NCOA6: variants seen among roughly 807,000 people sequenced by gnomAD.
NCOA6 encodes the protein nuclear receptor coactivator 6, also known as NRC RAP250.
A neutral mutation model predicts 171.4 loss-of-function variants in NCOA6; 49 were observed. The ratio of observed to expected loss-of-function variants is 0.29; its 90% CI spans 0.23 to 0.36. The LOEUF (loss-of-function observed/expected upper bound fraction) is 0.36, where lower values mean the gene tolerates loss of function less well. Ranked by LOEUF, NCOA6 falls within the 10% of genes least tolerant of loss-of-function variation. The pLI, the probability that NCOA6 is intolerant of heterozygous loss-of-function variation, is 1.00. For synonymous variants in NCOA6, 910 were observed against 927.5 expected, an observed-to-expected ratio of 0.98 and a Z score of 0.34; for missense variants, 2,248 against 2,554.5, an observed-to-expected ratio of 0.88 and a Z score of 2.59.
chr20:34,744,554 T>C (rs2076247299), intron 10 of NCOA6, among the ~76,000 whole-genome samples: 1 of 152,240 alleles, frequency 6.6e-6, no homozygotes, highest in African/African-American at 2.4e-5. Context: ...AACATTTTCA[T>C]AGAGCAGCTA....
intron 2 of NCOA6, among the ~76,000 whole-genome samples, chr20:34,782,850 A>C (rs957876440): frequency 2.6e-5 from 4 of 152,340 alleles, no homozygotes; most frequent in South Asian, 4.1e-4. Context: ...TACAAAGCAC[A>C]ACCAGACCTG....
rs1338189411 is a variant in NCOA6, at chr20:34,758,119, T to C, written c.644-15A>G. ...ATCCATTGCATCTGTTTAAAGATAG[T>C]CAACAAAGCAATAATTAACCTACTG... On this transcript the variant is annotated splice_polypyrimidine_tract_variant and intron_variant, in intron 6 of 14. Coordinates refer to ENST00000359003, the MANE Select transcript of NCOA6 (RefSeq NM_014071.5). The C allele has an allele frequency of 6.3e-7, 1 of 1,586,806 alleles. No homozygotes were observed. Among genetic ancestry groups the C allele is most frequent in the African/African-American group, 1.3e-5 (1 of 74,246 alleles).
At chr20:34,715,658 C>T (rs1312919822) in intron 14 of NCOA6, among the ~76,000 whole-genome samples, 1 of 152,198 alleles carries the variant, frequency 6.6e-6, no homozygotes, top group Non-Finnish European at 1.5e-5. Flanking sequence ...AATTCACCCA[C>T]TGTTTCCCTC....
intron 3 of NCOA6, 101 bp from the exon 4 acceptor site, chr20:34,776,549 A>G (rs1261742963): frequency 7.5e-7 from 1 of 1,335,722 alleles, no homozygotes; most frequent in Non-Finnish European, 1.1e-6. Flanking sequence ...AAGGTGGAGC[A>G]CCAGCTTGGA....
chr20:34,808,644 G>A (rs1261680351), intron 1 of NCOA6, among the ~76,000 whole-genome samples: 5 of 152,068 alleles, frequency 3.3e-5, no homozygotes, highest in Admixed American at 1.3e-4. Flanking sequence ...CTCTATGTTG[G>A]TCAGCCTGGT....
chr20:34,726,579 G>A (rs544089768), intron 14 of NCOA6, among the ~76,000 whole-genome samples: 49 of 152,224 alleles, frequency 3.2e-4, no homozygotes, highest in African/African-American at 1.2e-3. Flanking sequence ...GAGGTTAGGA[G>A]TTCGAGACCA....
At chr20:34,777,749 G>A (rs940417378) in intron 3 of NCOA6, among the ~76,000 whole-genome samples, 3 of 152,070 alleles carry the variant, frequency 2.0e-5, no homozygotes, top group African/African-American at 7.2e-5. Context: ...ATTCTACCTC[G>A]GAGTACACAC....
At chr20:34,784,044 A>C (rs2077593228) in intron 2 of NCOA6, among the ~76,000 whole-genome samples, 1 of 152,150 alleles carries the variant, frequency 6.6e-6, no homozygotes, top group Admixed American at 6.5e-5. Flanking sequence ...TTTCTTAAAA[A>C]AAAGATGGAT....
intron 2 of NCOA6, among the ~76,000 whole-genome samples, 166 bp downstream of exon 2, chr20:34,792,284 C>T (rs908995046): frequency 6.6e-6 from 1 of 150,918 alleles, no homozygotes; most frequent in Non-Finnish European, 1.5e-5. Flanking sequence ...TAGTAAAAAC[C>T]CCATTTAAAA....
At chr20:34,790,442 C>T (rs2077836088) in intron 2 of NCOA6, among the ~76,000 whole-genome samples, 1 of 152,080 alleles carries the variant, frequency 6.6e-6, no homozygotes, top group African/African-American at 2.4e-5. Flanking sequence ...GTAAGCTCCG[C>T]CTCCCAGGTT....
chr20:34,777,097 A>G (rs959753397), intron 3 of NCOA6, among the ~76,000 whole-genome samples: 4 of 149,236 alleles, frequency 2.7e-5, no homozygotes, highest in Non-Finnish European at 5.9e-5. Context: ...AGCCTGGGCA[A>G]CAAAGTGAGA....
At chr20:34,810,084 G>A (rs981972512) in intron 1 of NCOA6, among the ~76,000 whole-genome samples, 2 of 152,218 alleles carry the variant, frequency 1.3e-5, no homozygotes, top group Non-Finnish European at 2.9e-5. Flanking sequence ...TACCACAGTA[G>A]TGGTTACACA....
At position 34,750,310 on chromosome 20, in the gene NCOA6, C is replaced by A. The variant is rs563969610; in HGVS notation, c.1885G>T (p.Val629Leu). 6.6e-5 allele frequency: 106 copies of A among 1,613,214 alleles called. No individual in the cohort carries two copies. Among genetic ancestry groups the A allele is most frequent in the Admixed American group, 5.0e-4 (30 of 59,956 alleles). ...SQLMGMHQQI[V>L]PSQGQMVQQQ... is the part of the protein sequence containing the mutation. Reference sequence around the variant, plus strand: ...TGGACCATCTGGCCCTGGGAGGGCACGATTTGCTGGTGCATGCCCATCAGC... The same window carrying A: ...TGGACCATCTGGCCCTGGGAGGGCAAGATTTGCTGGTGCATGCCCATCAGC... The change falls in exon 9 of 15, where the codon GTG becomes TTG. Residue 629 changes from valine to leucine, a missense_variant. Transcript: ENST00000359003.
chr20:34,785,442 T>TAAAAAAA (rs765192660), intron 2 of NCOA6, among the ~76,000 whole-genome samples: 3 of 110,380 alleles, frequency 2.7e-5, no homozygotes, highest in Non-Finnish European at 5.9e-5. Context: ...TTTTAAAAAT[T>TAAAAAAA]AAAAAAAAAA....
intron 14 of NCOA6, among the ~76,000 whole-genome samples, chr20:34,721,845 CAGG>C (rs1410356615): frequency 6.7e-6 from 1 of 149,008 alleles, no homozygotes; most frequent in Non-Finnish European, 1.5e-5. Context: ...CACTTGAGCC[CAGG>C]AGTTCTAGAC....
chr20:34,743,166 C>T lies in NCOA6; in HGVS notation c.3090G>A (p.Gln1030=), dbSNP rs140426729. 77 of 1,575,580 alleles carry T rather than the reference C, an allele frequency of 4.9e-5. No individual in the cohort carries two copies. The African/African-American group carries it at 5.4e-4, about 11-fold the overall frequency. The change falls in exon 11 of 15, where the codon CAG becomes CAA. Residue 1030 remains glutamine, a synonymous_variant. Transcript: ENST00000359003. ...TCATGAGCATCATCATCATTTGTTG[C>T]TGCTGCTGCTGCTGCTGCTGAGACT... The part of the protein sequence containing the change: ...QPQSQQQQQQ[Q]QQMMMMLMMQ...
rs779029458 is a variant in NCOA6 at position 34,776,445 on chromosome 20, G to T, written c.239C>A (p.Ser80Tyr). The T allele has an allele frequency of 5.6e-6, 9 of 1,613,520 alleles. No homozygotes were observed. The South Asian group carries it at 9.9e-5, about 18-fold the overall frequency. The change falls in exon 4 of 15, where the codon TCC (serine) becomes TAC (tyrosine). Residue 80 changes from serine to tyrosine, a missense_variant. By Grantham distance (144) the Ser-to-Tyr change is moderately radical (BLOSUM62 -2). This residue lies in a region of NCOA6 where 987 missense variants were observed against 1,104.7 expected (regional missense o/e 0.89). Coordinates refer to ENST00000359003, the MANE Select transcript of NCOA6 (RefSeq NM_014071.5). ...CACCTTCTGTACTTTTAGCTTGCTG[G>T]ACTCTTGATTGTGAAAGAAAAAGAA... Reference protein sequence around the residue: ...KNVPNLLHMESSKLKVQKVEP... With the variant: ...KNVPNLLHMEYSKLKVQKVEP...
intron 13 of NCOA6, among the ~76,000 whole-genome samples, chr20:34,732,105 G>C (rs558611605): frequency 6.6e-6 from 1 of 152,328 alleles, no homozygotes; most frequent in East Asian, 1.9e-4. Flanking sequence ...ATGTCATTTT[G>C]TAGGGTTATG....
rs2076180319 is a variant in NCOA6 at position 34,742,642 on chromosome 20, T to G, written c.3614A>C (p.Gln1205Pro). The G allele has an allele frequency of 1.2e-6, 2 of 1,614,116 alleles. No individual in the cohort carries two copies. The highest frequency in any genetic ancestry group is 2.2e-5 in the South Asian group (2 of 91,082). The change falls in exon 11 of 15, where the codon CAG becomes CCG. Residue 1205 changes from glutamine to proline, a missense_variant. By Grantham distance (76) the Gln-to-Pro change is moderately conservative. This residue lies in a region of NCOA6 where 352 missense variants were observed against 419.1 expected (regional missense o/e 0.84). Transcript: ENST00000359003. ...GTTTGGTGTTTTGGGCCTAGATGTC[T>G]GGGTTGGCGCAGCCACATTTGGGAA... ...HHFPNVAAPT[Q>P]TSRPKTPNRA...
Sources: allele counts gnomAD v4.1 joint callset (sites outside exome capture counted in the v4.1 genomes callset), GRCh38; gene constraint gnomAD v4.1.1; regional missense constraint gnomAD v4.1.1; transcripts MANE v1.5; gene names NCBI Gene and HGNC (gene_info 2026-07-23, HGNC 2026-07-21).